The following USH1C variants were observed in gnomAD, a reference collection of about 807,000 sequenced individuals.
The protein encoded by USH1C is USH1 protein network component harmonin, also known as harmonin.
In USH1C, 90 loss-of-function variants were observed where a neutral mutation model predicts 119.3. The ratio of observed to expected loss-of-function variants is 0.75; its 90% confidence interval spans 0.64 to 0.90. The LOEUF is 0.90. Ranked by LOEUF, USH1C falls within the 40% of genes least tolerant of loss-of-function variation. The probability of loss-of-function intolerance (pLI) is 0.00; values close to 1 mark genes in which losing one functional copy is unlikely to be tolerated. For missense variants in USH1C, 1,165 were observed against 1,167.7 expected, an observed-to-expected ratio of 1.00 and a Z score of 0.03; for synonymous variants, 465 against 443.3, an observed-to-expected ratio of 1.05 and a Z score of -0.62.
chr11:17,529,740 G>A (rs377149524), intron 4 of USH1C, among the ~76,000 whole-genome samples: 2 of 152,164 alleles, frequency 1.3e-5, no homozygotes, highest in South Asian at 2.1e-4. Context: ...ATGATATAAC[G>A]ATCTGAGGGA....
rs113225561 is a variant in USH1C, at chr11:17,528,488, G to C, written c.388-1157C>G. Among the ~76,000 whole-genome samples the C allele has an allele frequency of 4.3e-3, 654 of 152,376 alleles. 5 individuals are homozygous for C. Among genetic ancestry groups the C allele is most frequent in the African/African-American group, 0.015 (633 of 41,584 alleles). On this transcript the variant is annotated intron_variant, in intron 4 of 26. Transcript: ENST00000005226. ...GCCAGTAGCTGCAAAACAGAGACTG[G>C]CTCCTGGAGAGGTTCCGGTCTGAGG...
At chr11:17,497,754 G>A (rs1849294774) in intron 24 of USH1C, among the ~76,000 whole-genome samples, 1 of 152,240 alleles carries the variant, frequency 6.6e-6, no homozygotes, top group African/African-American at 2.4e-5. Flanking sequence ...CCAGGTGGGT[G>A]TCTAATGAGT....
chr11:17,504,205 G>A (rs1349553895), intron 20 of USH1C, among the ~76,000 whole-genome samples: 2 of 152,166 alleles, frequency 1.3e-5, no homozygotes, highest in African/African-American at 2.4e-5. Context: ...CCTCCCTGAC[G>A]CTGGTTCAGT....
In USH1C at chr11:17,500,871, T is replaced by G. The variant is rs191600894; in HGVS notation, c.2380+180A>C. On this transcript the variant is annotated intron_variant, in intron 23 of 26. Transcript: ENST00000005226. ...TCTGGCTTGGCTGTGTACTCACAGG[T>G]CCCGGCGCCATCCCATGCCCCCAGG... is the stretch of plus-strand genomic sequence containing the variant. Among the ~76,000 whole-genome samples, 21 of 152,266 alleles carry G rather than the reference T, an allele frequency of 1.4e-4. No individual in the cohort carries two copies. The East Asian group carries it at 2.5e-3, about 18-fold the overall frequency.
chr11:17,509,787 G>A lies in USH1C; in HGVS notation c.1582C>T (p.Pro528Ser), dbSNP rs1218170917. ...AGTCCGCCTGCGAAGCGTCTCAAGG[G>A]TGGGGCCAGGGGAGACACAGAAGGC... ...PPPSVSPLAP[P>S]LRRFAGGLHL... Residue 528 changes from proline to serine, a missense_variant, in exon 18 of 27, where the codon CCC (proline) becomes TCC (serine). Pro to Ser is a moderately conservative substitution (Grantham distance 74, BLOSUM62 -1). Transcript: ENST00000005226. The A allele has an allele frequency of 6.2e-7, 1 of 1,601,466 alleles. No homozygotes were observed. Among genetic ancestry groups the A allele is most frequent in the Non-Finnish European group, 8.5e-7 (1 of 1,179,614 alleles).
At chr11:17,511,589 C>A (rs1411370599) in intron 16 of USH1C, among the ~76,000 whole-genome samples, 2 of 152,170 alleles carry the variant, frequency 1.3e-5, no homozygotes, top group Admixed American at 6.5e-5. Context: ...TGAGACCTAC[C>A]ATCTGGTCAG....
intron 1 of USH1C, among the ~76,000 whole-genome samples, chr11:17,536,170 C>G (rs184138013): frequency 6.6e-6 from 1 of 152,334 alleles, no homozygotes; most frequent in Admixed American, 6.5e-5. Context: ...GCATAAAAAT[C>G]ACGTCTGCTT....
rs777018970 is a variant in USH1C at position 17,509,523 on chromosome 11, G to A, written c.1846C>T (p.Leu616Phe). The change falls in exon 18 of 27, where the codon CTC (leucine) becomes TTC (phenylalanine). Residue 616 changes from leucine to phenylalanine, a missense_variant. Transcript: ENST00000005226. ...GAGGGCAGTGGGCGGGTGGGAGTGA[G>A]GTCTTGGGTGGGAACGGATGGCGGG... ...PPPPSVPTQD[L>F]TPTRPLPSAL... 2 of 1,611,384 alleles carry A rather than the reference G, an allele frequency of 1.2e-6. No individual in the cohort carries two copies. Among genetic ancestry groups the A allele is most frequent in the East Asian group, 2.2e-5 (1 of 44,792 alleles).
chr11:17,511,956 T>A lies in USH1C; in HGVS notation c.1359A>T (p.Lys453Asn), dbSNP rs1223166810. 1 of 1,614,108 alleles carries A rather than the reference T, an allele frequency of 6.2e-7. No homozygotes were observed. Among genetic ancestry groups the A allele is most frequent in the Non-Finnish European group, 8.5e-7 (1 of 1,180,046 alleles). Residue 453 changes from lysine (K) to asparagine (N), a missense_variant, in exon 16 of 27, where the codon AAA (lysine) becomes AAT (asparagine). Transcript: ENST00000005226. ...LEFEQKLYKEKEEMLEKEKQL... is the reference protein window; with the variant it reads ...LEFEQKLYKENEEMLEKEKQL... ...GCTTTTCCTTCTCCAGCATTTCCTC[T>A]TTCTCTTTGTAAAGCTTTTGCTCAA...
At chr11:17,509,980 T>G in intron 17 of USH1C, 142 bp from the exon 18 acceptor site, 2 of 1,063,990 alleles carry the variant, frequency 1.9e-6, no homozygotes, top group Non-Finnish European at 1.3e-6. Context: ...TGGGGCGCCA[T>G]TCCTCTGCCA....
intron 14 of USH1C, 82 bp from the exon 15 acceptor site, chr11:17,516,372 C>T (rs1850145423): frequency 1.5e-6 from 2 of 1,372,804 alleles, no homozygotes; most frequent in African/African-American, 1.4e-5. Context: ...GAGCTGGGTT[C>T]CCAAGGAATG....
chr11:17,505,734 C>T (rs1012613928), intron 19 of USH1C, 96 bp downstream of exon 19: 12 of 1,568,496 alleles, frequency 7.7e-6, no homozygotes, highest in East Asian at 6.8e-5. Flanking sequence ...GCATTTTTGT[C>T]CCACCTCACT....
intron 25 of USH1C, 136 bp downstream of exon 25, chr11:17,496,622 A>G (rs544993901): frequency 1.3e-5 from 14 of 1,091,362 alleles, no homozygotes; most frequent in Non-Finnish European, 1.8e-5. Flanking sequence ...GTTTTCTAGG[A>G]GCTCTGGCTA....
intron 1 of USH1C, among the ~76,000 whole-genome samples, chr11:17,540,350 C>A (rs1851411905): frequency 1.3e-5 from 2 of 152,058 alleles, no homozygotes; most frequent in Admixed American, 1.3e-4. Flanking sequence ...AGCAATCACG[C>A]CCTGCTTCTC....
intron 1 of USH1C, among the ~76,000 whole-genome samples, chr11:17,535,926 G>A (rs960093129): frequency 2.6e-5 from 4 of 152,258 alleles, no homozygotes; most frequent in Admixed American, 6.5e-5. Context: ...TTTCTGCTAC[G>A]CCACGATGAC....
intron 1 of USH1C, 85 bp from the exon 2 acceptor site, chr11:17,533,407 G>A (rs894081580): frequency 2.0e-6 from 2 of 984,420 alleles, no homozygotes; most frequent in Admixed American, 3.5e-5. Flanking sequence ...TCATCCCCAA[G>A]GGCCTCCCCA....
In USH1C at chr11:17,526,749, T is replaced by G. The variant is rs1055313904; in HGVS notation, c.579+4A>C. On this transcript the variant is annotated splice_donor_region_variant and intron_variant, in intron 7 of 26. Coordinates refer to ENST00000005226, the MANE Select transcript of USH1C (RefSeq NM_153676.4). ...AACCCCATCACAGGAGGTCTGGCCC[T>G]TACCCCAGATTCCGACACAAACTGA... 2 of 1,613,828 alleles carry G rather than the reference T, an allele frequency of 1.2e-6. No individual in the cohort carries two copies. The highest frequency in any genetic ancestry group is 1.7e-6 in the Non-Finnish European group (2 of 1,179,868).
At chr11:17,517,014 C>T (rs1262439860) in intron 14 of USH1C, among the ~76,000 whole-genome samples, 1 of 152,162 alleles carries the variant, frequency 6.6e-6, no homozygotes, top group Non-Finnish European at 1.5e-5. Flanking sequence ...CCACCCCGGA[C>T]CAGCCTGAGT....
At chr11:17,520,658 A>T (rs572767764) in intron 14 of USH1C, among the ~76,000 whole-genome samples, 1 of 152,126 alleles carries the variant, frequency 6.6e-6, no homozygotes, top group South Asian at 2.1e-4. Context: ...GGAGCTGGGT[A>T]TGTGGAGCTG....
Sources: gnomAD v4.1 joint callset for allele counts (sites outside exome capture counted in the v4.1 genomes callset) on GRCh38, gnomAD v4.1.1 for gene constraint, MANE v1.5 for transcripts, NCBI Gene and HGNC (gene_info 2026-07-23, HGNC 2026-07-21) for gene names.